IL1RAPL1: variants seen among roughly 807,000 people sequenced by gnomAD.
IL1RAPL1 encodes interleukin-1 receptor accessory protein-like 1.
IL1RAPL1 carries 3 observed loss-of-function variants against 48.4 expected under a neutral mutation model. The observed-to-expected ratio is 0.06, with a 90% confidence interval of 0.03 to 0.16. The LOEUF is 0.16. Ranked by LOEUF, IL1RAPL1 falls within the 10% of genes least tolerant of loss-of-function variation. The pLI is 1.00. For missense variants in IL1RAPL1, 349 were observed against 530.6 expected, an observed-to-expected ratio of 0.66 and a Z score of 3.36; for synonymous variants, 185 against 187.7, an observed-to-expected ratio of 0.99 and a Z score of 0.12.
At chrX:29,867,649 T>A (rs910227725) in intron 6 of IL1RAPL1, among the ~76,000 whole-genome samples, 1 of 112,309 alleles carries the variant, frequency 8.9e-6, no homozygotes, top group African/African-American at 3.2e-5. Flanking sequence ...CAAATAAACA[T>A]AAAATAAACT....
chrX:28,726,656 T>C (rs990608547), intron 1 of IL1RAPL1, among the ~76,000 whole-genome samples: 1 of 112,422 alleles, frequency 8.9e-6, no homozygotes, highest in Non-Finnish European at 1.9e-5. Context: ...CCAGGCACTA[T>C]TCAATTCACT....
intron 2 of IL1RAPL1, among the ~76,000 whole-genome samples, chrX:28,823,143 C>T (rs1246681396): frequency 1.8e-5 from 2 of 111,196 alleles, no homozygotes; most frequent in Non-Finnish European, 3.8e-5. Context: ...TTGTTCCTTC[C>T]CGGTAGTTAT....
At position 29,316,822 on chromosome X, in the gene IL1RAPL1, G is replaced by C. The variant is rs185318071; in HGVS notation, c.362+33605G>C. Among the ~76,000 whole-genome samples the C allele has an allele frequency of 5.4e-5, 6 of 111,956 alleles. No individual in the cohort carries two copies. In the East Asian group the frequency reaches 8.5e-4, roughly 16 times the overall value. Reference sequence around the variant, plus strand: ...TGTAGGGGTGTGCGATTTAACCCTTGTCTGACATGGCCTTAGGTCCTGTTT... The same window carrying C: ...TGTAGGGGTGTGCGATTTAACCCTTCTCTGACATGGCCTTAGGTCCTGTTT... On this transcript the variant is annotated intron_variant, in intron 3 of 10. Coordinates refer to ENST00000378993, the MANE Select transcript of IL1RAPL1 (RefSeq NM_014271.4).
chrX:29,304,060 G>A (rs1932579117), intron 3 of IL1RAPL1, among the ~76,000 whole-genome samples: 1 of 111,599 alleles, frequency 9.0e-6, no homozygotes, highest in African/African-American at 3.3e-5. Flanking sequence ...CTTATTGGAC[G>A]CTTCATTGTG....
intron 2 of IL1RAPL1, among the ~76,000 whole-genome samples, chrX:28,987,068 T>C (rs1925493151): frequency 8.9e-6 from 1 of 112,555 alleles, no homozygotes; most frequent in Non-Finnish European, 1.9e-5. Context: ...CCTTTGTACA[T>C]GTGCTTTTGA....
rs977709156 is a variant in IL1RAPL1 at position 29,103,412 on chromosome X, T to A, written c.83-179526T>A. On this transcript the variant is annotated intron_variant, in intron 2 of 10. Transcript: ENST00000378993. ...AATAAGTGGTGGTGGGCAAACTGGA[T>A]ATCCATATGCAGAAGAATGAATCTA... 4.5e-5 allele frequency among the ~76,000 whole-genome samples: 5 copies of A among 112,055 alleles called. No individual in the cohort carries two copies. In the Admixed American group the frequency reaches 4.7e-4, roughly 11 times the overall value.
chrX:29,876,168 C>G (rs1478214200), intron 6 of IL1RAPL1, among the ~76,000 whole-genome samples: 2 of 111,520 alleles, frequency 1.8e-5, no homozygotes, highest in African/African-American at 6.5e-5. Flanking sequence ...GTCTCTGGGT[C>G]ATATAGAGAT....
chrX:29,721,586 C>T (rs1232232907), intron 6 of IL1RAPL1, among the ~76,000 whole-genome samples: 1 of 111,840 alleles, frequency 8.9e-6, no homozygotes, highest in Non-Finnish European at 1.9e-5. Context: ...ATGGACACCT[C>T]CCCTCCTGAA....
intron 2 of IL1RAPL1, among the ~76,000 whole-genome samples, chrX:29,124,223 A>T (rs1928855646): frequency 8.9e-6 from 1 of 112,234 alleles, no homozygotes; most frequent in African/African-American, 3.2e-5. Flanking sequence ...CTTGGAAAAT[A>T]ATTGATCCAG....
intron 6 of IL1RAPL1, among the ~76,000 whole-genome samples, chrX:29,782,779 TGTGAA>T (rs1324559717): frequency 9.1e-6 from 1 of 109,707 alleles, no homozygotes; most frequent in East Asian, 2.8e-4. Flanking sequence ...GACCTTGACA[TGTGAA>T]AGTTGATTTT....
intron 6 of IL1RAPL1, among the ~76,000 whole-genome samples, chrX:29,728,782 A>G (rs1369282095): frequency 2.7e-5 from 3 of 112,274 alleles, no homozygotes; most frequent in Non-Finnish European, 5.6e-5. Flanking sequence ...CTGTGGATTG[A>G]CTCAGCTCAG....
intron 1 of IL1RAPL1, among the ~76,000 whole-genome samples, chrX:28,619,814 G>A (rs141153577): frequency 0.015 from 1,709 of 110,658 alleles, 21 homozygotes; most frequent in Admixed American, 0.044. Flanking sequence ...TTATGCAGTG[G>A]TTATCTGAGT....
At chrX:29,061,229 A>G (rs1393423166) in intron 2 of IL1RAPL1, among the ~76,000 whole-genome samples, 2 of 111,748 alleles carry the variant, frequency 1.8e-5, no homozygotes, top group Non-Finnish European at 3.8e-5. Context: ...AGATTCACAA[A>G]CTATAAAACA....
intron 2 of IL1RAPL1, among the ~76,000 whole-genome samples, chrX:29,146,946 C>A (rs1374416093): frequency 8.9e-6 from 1 of 112,202 alleles, no homozygotes; most frequent in African/African-American, 3.2e-5. Context: ...AAAAATTAAG[C>A]CTATCATCTT....
intron 6 of IL1RAPL1, among the ~76,000 whole-genome samples, chrX:29,707,642 G>A (rs1927236200): frequency 9.0e-6 from 1 of 111,656 alleles, no homozygotes; most frequent in Non-Finnish European, 1.9e-5. Context: ...GTAGCAACCT[G>A]GATGGAATTG....
chrX:29,262,107 G>A (rs976195789), intron 2 of IL1RAPL1, among the ~76,000 whole-genome samples: 1 of 111,428 alleles, frequency 9.0e-6, no homozygotes, highest in Non-Finnish European at 1.9e-5. Flanking sequence ...GAGTACAAAT[G>A]TAAGATGGGC....
At chrX:28,964,176 A>C (rs1360902365) in intron 2 of IL1RAPL1, among the ~76,000 whole-genome samples, 1 of 111,719 alleles carries the variant, frequency 9.0e-6, no homozygotes, top group Non-Finnish European at 1.9e-5. Flanking sequence ...ACATAAGAAG[A>C]AGCCATCAAA....
chrX:29,330,440 G>A (rs957103712), intron 3 of IL1RAPL1, among the ~76,000 whole-genome samples: 1 of 111,390 alleles, frequency 9.0e-6, no homozygotes, highest in Non-Finnish European at 1.9e-5. Flanking sequence ...CGTGGCAGGC[G>A]GCGTCTTTAA....
chrX:29,796,964 T>C (rs1261482228), intron 6 of IL1RAPL1, among the ~76,000 whole-genome samples: 1 of 112,641 alleles, frequency 8.9e-6, no homozygotes, highest in Non-Finnish European at 1.9e-5. Context: ...GTCACCTGTG[T>C]GGTTCCTTGA....
Sources: allele counts gnomAD v4.1 joint callset (sites outside exome capture counted in the v4.1 genomes callset), GRCh38; gene constraint gnomAD v4.1.1; transcripts MANE v1.5; gene names NCBI Gene and HGNC (gene_info 2026-07-23, HGNC 2026-07-21).